Variants in KCNQ1 observed in about 807,000 individuals in gnomAD.
The protein encoded by KCNQ1 is potassium voltage-gated channel subfamily Q member 1, also known as potassium voltage-gated channel subfamily KQT member 1.
In KCNQ1, 49 loss-of-function variants were observed where a neutral mutation model predicts 72.4. The observed-to-expected ratio is 0.68, with a 90% confidence interval of 0.54 to 0.86. The LOEUF is 0.86. Ranked by LOEUF, KCNQ1 falls within the 40% of genes least tolerant of loss-of-function variation. The probability of loss-of-function intolerance (pLI) is 0.00; values close to 1 mark genes in which losing one functional copy is unlikely to be tolerated. For missense variants in KCNQ1, 790 were observed against 945.1 expected (o/e 0.84, Z 2.15); for synonymous variants, 450 against 412.6 (o/e 1.09, Z -1.10).
chr11:2,781,290 C>G lies in KCNQ1; in HGVS notation c.1794+3253C>G, dbSNP rs1336820834. 6.6e-6 allele frequency among the ~76,000 whole-genome samples: 1 copy of G among 152,160 alleles called. No individual in the cohort carries two copies. Among genetic ancestry groups the G allele is most frequent in the Non-Finnish European group, 1.5e-5 (1 of 68,038 alleles). ...TGAGTGGTCGCCTGAGGTCACACAG[C>G]TAGTTAGGTGAAGAGCTGGTCCCAA... On this transcript the variant is annotated intron_variant, in intron 15 of 15. Coordinates refer to ENST00000155840, the MANE Select transcript of KCNQ1 (RefSeq NM_000218.3). The surrounding 1 kb of genome is among the most constrained non-coding windows in gnomAD (Gnocchi z 6.6).
In KCNQ1 at chr11:2,737,140, C is replaced by A. The variant is rs190178535; in HGVS notation, c.1515-31704C>A. 5.0e-3 allele frequency among the ~76,000 whole-genome samples: 764 copies of A among 152,308 alleles called. 4 individuals carry two copies. The highest frequency in any genetic ancestry group is 0.017 in the African/African-American group (710 of 41,582). On this transcript the variant is annotated intron_variant, in intron 11 of 15. Transcript: ENST00000155840. ...TAGGGCAGCGGATTAGGGAGGACTC[C>A]CCCAGGAGAGGAGGAGGCAGGCAGG...
chr11:2,686,712 C>G, intron 11 of KCNQ1: 2 of 398,640 alleles, frequency 5.0e-6, no homozygotes, highest in Non-Finnish European at 8.8e-6. Context: ...GCTGGGAAGT[C>G]CTACTCGGCC....
At position 2,790,364 on chromosome 11, in the gene KCNQ1, C is replaced by T. The variant is rs185227130; in HGVS notation, c.1794+12327C>T. 1.8e-4 allele frequency among the ~76,000 whole-genome samples: 27 copies of T among 152,296 alleles called. No homozygotes were observed. The East Asian group carries it at 4.1e-3, about 23-fold the overall frequency. The stretch of plus-strand genomic sequence containing the variant: ...CTGGCCCAGCACCTACTGAGACAGC[C>T]GGGCCAAGCCCCATCCTGCAGGTGC... On this transcript the variant is annotated intron_variant, in intron 15 of 15. Coordinates refer to ENST00000155840, the MANE Select transcript of KCNQ1 (RefSeq NM_000218.3).
At position 2,731,407 on chromosome 11, in the gene KCNQ1, C is replaced by T. The variant is rs540256226; in HGVS notation, c.1515-37437C>T. Among the ~76,000 whole-genome samples, 71 of 152,334 alleles carry T rather than the reference C, an allele frequency of 4.7e-4. No individual in the cohort carries two copies. The South Asian group carries it at 0.014, about 30-fold the overall frequency. The stretch of plus-strand genomic sequence containing the variant: ...AGTCTGGCACATTCCGGCTGTGTGT[C>T]AGCGGGAGAGGCCTGGGAAAGGGAG... On this transcript the variant is annotated intron_variant, in intron 11 of 15. Transcript: ENST00000155840.
In KCNQ1 at chr11:2,647,333, T is replaced by G. The variant is rs932368823; in HGVS notation, c.1394-14628T>G. 5.0e-6 allele frequency: 2 copies of G among 398,480 alleles called. No homozygotes were observed. The highest frequency in any genetic ancestry group is 8.8e-6 in the Non-Finnish European group (2 of 226,062). The allele number at this position is 398,480 out of a possible 1,614,324, so 24.7% of individuals were successfully genotyped here. On this transcript the variant is annotated intron_variant, in intron 10 of 15. Coordinates refer to ENST00000155840, the MANE Select transcript of KCNQ1 (RefSeq NM_000218.3). The surrounding 1 kb of genome is among the most constrained non-coding windows in gnomAD (Gnocchi z 4.0). ...AATCCCTGGGATAAATCCCACTTGATTATGGTGTATTATCTTTTTGATGTG... is the reference window on the plus strand; with the variant it reads ...AATCCCTGGGATAAATCCCACTTGAGTATGGTGTATTATCTTTTTGATGTG...
intron 4 of KCNQ1, 123 bp from the exon 5 acceptor site, chr11:2,571,890 A>T: frequency 1.3e-6 from 1 of 777,626 alleles, no homozygotes; most frequent in Non-Finnish European, 2.2e-6. Flanking sequence ...CAGCCTCCCC[A>T]CCCAGAGTGG....
chr11:2,637,160 G>GT (rs1208292030), intron 10 of KCNQ1: 1 of 152,000 alleles, frequency 6.6e-6, no homozygotes, highest in Non-Finnish European at 1.5e-5. Flanking sequence ...TTTTTGAAGG[G>GT]TTTTTTGTGT....
intron 1 of KCNQ1, among the ~76,000 whole-genome samples, chr11:2,514,718 C>T (rs1354806677): frequency 9.9e-5 from 15 of 152,268 alleles, no homozygotes; most frequent in Non-Finnish European, 7.4e-5. Context: ...CCCAGCTACT[C>T]GGGAGGCTGA....
chr11:2,615,411 T>C (rs944290848), intron 10 of KCNQ1: 2 of 398,068 alleles, frequency 5.0e-6, no homozygotes, highest in Admixed American at 4.4e-5. Context: ...ATCTGCCTAA[T>C]TGTCATGGTT....
intron 1 of KCNQ1, among the ~76,000 whole-genome samples, chr11:2,503,671 C>T (rs187838535): frequency 2.3e-3 from 350 of 151,370 alleles, no homozygotes; most frequent in African/African-American, 7.7e-3. Context: ...GCACATGTAC[C>T]CTAAAACTTA....
rs35025063 is a variant in KCNQ1, at chr11:2,549,802, G to A, written c.478-20826G>A. ...TCATGAGTACCCCAGGCCCCTATGC[G>A]CCTCCTTCCCCATGACTGGCCCTGG... is the stretch of plus-strand genomic sequence containing the variant. On this transcript the variant is annotated intron_variant, in intron 2 of 15. Transcript: ENST00000155840. This position sits in a 1 kb window ranked among gnomAD's most constrained non-coding sequence, Gnocchi z 6.2. Among the ~76,000 whole-genome samples the A allele has an allele frequency of 6.6e-6, 1 of 152,234 alleles. No individual in the cohort carries two copies. The highest frequency in any genetic ancestry group is 6.5e-5 in the Admixed American group (1 of 15,292).
intron 15 of KCNQ1, among the ~76,000 whole-genome samples, chr11:2,796,572 G>A (rs1046422885): frequency 1.3e-4 from 20 of 152,216 alleles, no homozygotes; most frequent in Admixed American, 1.3e-3. Flanking sequence ...CCTCTCCATG[G>A]GGAAGGAAAA....
chr11:2,664,078 A>G lies in KCNQ1; in HGVS notation c.1514+1997A>G, dbSNP rs1384556633. 4 of 398,772 alleles carry G rather than the reference A, an allele frequency of 1.0e-5. No individual in the cohort carries two copies. The highest frequency in any genetic ancestry group is 1.3e-5 in the Non-Finnish European group (3 of 226,164). The allele number at this position is 398,772 out of a possible 1,614,324, so 24.7% of individuals were successfully genotyped here. The stretch of plus-strand genomic sequence containing the variant: ...ATGGCCTCCAGTGATAAGTGGGCCC[A>G]GGCAGGTCAGAGACTCCAGTCATTA... On this transcript the variant is annotated intron_variant, in intron 11 of 15. Coordinates refer to ENST00000155840, the MANE Select transcript of KCNQ1 (RefSeq NM_000218.3). This position sits in a 1 kb window ranked among gnomAD's most constrained non-coding sequence, Gnocchi z 5.1.
intron 2 of KCNQ1, among the ~76,000 whole-genome samples, chr11:2,546,392 G>T (rs1847902756): frequency 6.6e-6 from 1 of 152,154 alleles, no homozygotes; most frequent in South Asian, 2.1e-4. Flanking sequence ...TTGTGTGCTT[G>T]GAAAGAGTGT....
intron 15 of KCNQ1, among the ~76,000 whole-genome samples, chr11:2,780,460 T>C (rs189261): frequency 1 from 152,327 of 152,342 alleles, 76,156 homozygotes; most frequent in Middle Eastern, 1. Flanking sequence ...CCGCCGGCCC[T>C]GCCAACCCCA....
Position 2,652,361 on chromosome 11 carries a change from G to A in KCNQ1, c.1394-9600G>A, listed in dbSNP as rs974191764. 5 of 398,536 alleles carry A rather than the reference G, an allele frequency of 1.3e-5. No individual in the cohort carries two copies. Among genetic ancestry groups the A allele is most frequent in the Non-Finnish European group, 2.2e-5 (5 of 226,082 alleles). 24.7% of individuals were successfully genotyped at this position (398,536 alleles called of 1,614,324 possible). The stretch of plus-strand genomic sequence containing the variant: ...CACATTTCCGCGATGTTGTGATGAA[G>A]GTGAAAAGATCGCTCTTAATTAGAT... On this transcript the variant is annotated intron_variant, in intron 10 of 15. Transcript: ENST00000155840. The surrounding 1 kb of genome is among the most constrained non-coding windows in gnomAD (Gnocchi z 5.9).
rs1370554953 is a variant in KCNQ1, at chr11:2,695,388, A to T, written c.1514+33307A>T. ...AGTACTGCGTGTCTGGGTGGTGTGT[A>T]ATTTTAATTTAAATACACAGTCATG... On this transcript the variant is annotated intron_variant, in intron 11 of 15. Transcript: ENST00000155840. The surrounding 1 kb of genome is among the most constrained non-coding windows in gnomAD (Gnocchi z 5.2). 1 of 398,296 alleles carries T rather than the reference A, an allele frequency of 2.5e-6. No individual in the cohort carries two copies. The highest frequency in any genetic ancestry group is 2.1e-5 in the African/African-American group (1 of 48,558). 24.7% of individuals were successfully genotyped at this position (398,296 alleles called of 1,614,324 possible). A position where few individuals can be genotyped will look rare whatever the true frequency, so the allele number is the denominator to read the frequency against.
chr11:2,531,263 C>A (rs542276979), intron 2 of KCNQ1, among the ~76,000 whole-genome samples: 1 of 149,944 alleles, frequency 6.7e-6, no homozygotes, highest in Admixed American at 6.6e-5. Context: ...ATTAGACGTG[C>A]CCTGGGCTCC....
Position 2,703,925 on chromosome 11 carries a change from C to G in KCNQ1, c.1514+41844C>G, listed in dbSNP as rs189159. Reference sequence around the variant, plus strand: ...CCACGTGGCAGCCTCCGCAGTCCATCTGAAGAAAGGCCCCACCCCACGCTG... The same window carrying G: ...CCACGTGGCAGCCTCCGCAGTCCATGTGAAGAAAGGCCCCACCCCACGCTG... On this transcript the variant is annotated intron_variant, in intron 11 of 15. Coordinates refer to ENST00000155840, the MANE Select transcript of KCNQ1 (RefSeq NM_000218.3). The surrounding 1 kb of genome is among the most constrained non-coding windows in gnomAD (Gnocchi z 6.4). Among the ~76,000 whole-genome samples the G allele has an allele frequency of 1.3e-5, 2 of 152,144 alleles. No homozygotes were observed. The highest frequency in any genetic ancestry group is 2.9e-5 in the Non-Finnish European group (2 of 68,028).
Sources: gnomAD v4.1 joint callset for allele counts (sites outside exome capture counted in the v4.1 genomes callset) on GRCh38, gnomAD v4.1.1 for gene constraint, Gnocchi (gnomAD v3.1) non-coding constraint, MANE v1.5 for transcripts, NCBI Gene and HGNC (gene_info 2026-07-23, HGNC 2026-07-21) for gene names.